Variants in LRTM1 observed in about 807,000 individuals in gnomAD.
The protein encoded by LRTM1 is leucine-rich repeat and transmembrane domain-containing protein 1.
Under a neutral mutation model 32.4 loss-of-function variants are expected in LRTM1, and 38 were observed. The ratio of observed to expected loss-of-function variants is 1.17; its 90% confidence interval spans 0.91 to 1.54. The LOEUF (loss-of-function observed/expected upper bound fraction) is 1.54. Among genes scored for constraint, LRTM1 ranks in the 40% most tolerant of loss-of-function variants. The pLI is 0.00. For missense variants in LRTM1, 466 were observed against 415.4 expected (o/e 1.12, Z -1.06); for synonymous variants, 186 against 169.9 (o/e 1.09, Z -0.74).
At chr3:54,940,100 G>GA (rs1701429753) in intron 1 of LRTM1, among the ~76,000 whole-genome samples, 2 of 152,120 alleles carry the variant, frequency 1.3e-5, no homozygotes, top group Non-Finnish European at 2.9e-5. Context: ...CTATGGTCAG[G>GA]AAAAAACCAC....
upstream of LRTM1, among the ~76,000 whole-genome samples, chr3:54,932,753 C>T (rs926133023): frequency 6.6e-6 from 1 of 152,210 alleles, no homozygotes; most frequent in Non-Finnish European, 1.5e-5. Context: ...TGGCCAAGTG[C>T]TCCTCCATCC....
chr3:54,947,571 T>TC (rs1311355702), intron 1 of LRTM1, among the ~76,000 whole-genome samples: 2 of 152,040 alleles, frequency 1.3e-5, no homozygotes, highest in African/African-American at 2.4e-5. Flanking sequence ...GTGCTAGATG[T>TC]CCCCACAGTG....
rs182925463 is a variant in LRTM1 at position 54,952,660 on chromosome 3, A to C, written c.-222+14268T>G. On this transcript the variant is annotated intron_variant, in intron 1 of 2. Transcript: ENST00000493075. ...TATTTTCTGCTTCTATTCTGAAGTC[A>C]GAAAGATCTGGTGTTCATGGGTTCA... 8.7e-4 allele frequency among the ~76,000 whole-genome samples: 133 copies of C among 152,292 alleles called. 1 individual carries two copies. Among genetic ancestry groups the C allele is most frequent in the Non-Finnish European group, 1.3e-3 (86 of 68,032 alleles).
chr3:54,928,379 C>T (rs1285422794), upstream of LRTM1, among the ~76,000 whole-genome samples: 3 of 152,146 alleles, frequency 2.0e-5, no homozygotes, highest in Non-Finnish European at 4.4e-5. Context: ...ATTCTGTTGA[C>T]TTATTAACCA....
chr3:54,926,851 G>A (rs1337331387), intron 1 of LRTM1, among the ~76,000 whole-genome samples: 1 of 151,802 alleles, frequency 6.6e-6, no homozygotes, highest in Non-Finnish European at 1.5e-5. Context: ...GGAACTGGGA[G>A]AGGGTCTCTG....
intron 1 of LRTM1, among the ~76,000 whole-genome samples, chr3:54,954,217 G>C (rs1446554182): frequency 6.6e-6 from 1 of 152,126 alleles, no homozygotes; most frequent in African/African-American, 2.4e-5. Flanking sequence ...CAGTGCTATG[G>C]CCTCCTCATT....
intron 1 of LRTM1, among the ~76,000 whole-genome samples, chr3:54,947,178 A>G (rs1162833456): frequency 3.3e-5 from 5 of 152,206 alleles, no homozygotes; most frequent in Non-Finnish European, 5.9e-5. Flanking sequence ...GACTGAGCAG[A>G]GGCGGGTTAA....
rs1281622977 is a variant in LRTM1 at position 54,925,046 on chromosome 3, A to G, written c.177T>C (p.Asp59=). The part of the protein sequence containing the change: ...PPQTRTLHLQ[D]NQIHHLPAFA... The stretch of plus-strand genomic sequence containing the variant: ...AAGCAGGAAGATGGTGTATCTGATT[A>G]TCTTGTAAATGCAGCGTTCGAGTCT... The change falls in exon 2 of 3, where the codon GAT becomes GAC. Residue 59 remains aspartate (D), a synonymous_variant. Coordinates refer to ENST00000273286, the MANE Select transcript of LRTM1 (RefSeq NM_020678.4). The G allele has an allele frequency of 6.2e-7, 1 of 1,614,198 alleles. No homozygotes were observed. The highest frequency in any genetic ancestry group is 8.5e-7 in the Non-Finnish European group (1 of 1,180,038).
At chr3:54,921,773 C>G (rs2106932224) in intron 2 of LRTM1, among the ~76,000 whole-genome samples, 1 of 152,286 alleles carries the variant, frequency 6.6e-6, no homozygotes, top group Non-Finnish European at 1.5e-5. Flanking sequence ...GCATGGAATG[C>G]AGACCATGCC....
At chr3:54,952,989 T>C (rs768441176) in intron 1 of LRTM1, among the ~76,000 whole-genome samples, 4 of 152,158 alleles carry the variant, frequency 2.6e-5, no homozygotes, top group Non-Finnish European at 5.9e-5. Flanking sequence ...GTCTGCTTAG[T>C]GGATGGATTG....
chr3:54,919,976 C>G (rs1002637418), intron 2 of LRTM1, among the ~76,000 whole-genome samples: 11 of 152,140 alleles, frequency 7.2e-5, no homozygotes, highest in Admixed American at 5.9e-4. Context: ...GCCCTCGGCA[C>G]TGTCTGCTAG....
chr3:54,923,716 G>A (rs1700921242), intron 2 of LRTM1, among the ~76,000 whole-genome samples: 1 of 152,144 alleles, frequency 6.6e-6, no homozygotes, highest in African/African-American at 2.4e-5. Flanking sequence ...TGAAGTGGAG[G>A]AAAGAATGTC....
At chr3:54,951,559 C>A (rs1701757622) in intron 1 of LRTM1, among the ~76,000 whole-genome samples, 2 of 152,140 alleles carry the variant, frequency 1.3e-5, no homozygotes, top group Admixed American at 6.5e-5. Context: ...GAACAGACCC[C>A]TAGGGGGTGA....
chr3:54,936,792 T>C (rs1237134801), intron 1 of LRTM1, among the ~76,000 whole-genome samples: 1 of 152,202 alleles, frequency 6.6e-6, no homozygotes, highest in Non-Finnish European at 1.5e-5. Flanking sequence ...GAAGCATGAC[T>C]ATCAGAGTTT....
At chr3:54,923,609 G>T (rs1251624363) in intron 2 of LRTM1, among the ~76,000 whole-genome samples, 2 of 152,152 alleles carry the variant, frequency 1.3e-5, no homozygotes, top group Non-Finnish European at 1.5e-5. Context: ...CTCTGTGATG[G>T]TTAGGCACTG....
At chr3:54,933,261 G>T (rs1183273180) in intron 1 of LRTM1, among the ~76,000 whole-genome samples, 1 of 152,162 alleles carries the variant, frequency 6.6e-6, no homozygotes, top group East Asian at 1.9e-4. Context: ...CTAATAATTT[G>T]TATTAAAATT....
At chr3:54,952,418 T>G (rs913454214) in intron 1 of LRTM1, among the ~76,000 whole-genome samples, 18 of 152,148 alleles carry the variant, frequency 1.2e-4, no homozygotes, top group African/African-American at 3.9e-4. Flanking sequence ...CATGAGCATC[T>G]TAGGAGCTCT....
At chr3:54,942,262 A>G (rs1701490161) in intron 1 of LRTM1, among the ~76,000 whole-genome samples, 1 of 152,062 alleles carries the variant, frequency 6.6e-6, no homozygotes. Context: ...CATGGCTAAG[A>G]CTCACCTTCT....
chr3:54,950,746 T>C (rs913320233), intron 1 of LRTM1, among the ~76,000 whole-genome samples: 5 of 152,182 alleles, frequency 3.3e-5, no homozygotes, highest in African/African-American at 1.2e-4. Flanking sequence ...TCAGTTGAGC[T>C]GAGCCTCAGA....
Sources: gnomAD v4.1 joint callset for allele counts (sites outside exome capture counted in the v4.1 genomes callset) on GRCh38, gnomAD v4.1.1 for gene constraint, MANE v1.5 for transcripts, NCBI Gene and HGNC (gene_info 2026-07-23, HGNC 2026-07-21) for gene names.